HDX: variants seen among roughly 807,000 people sequenced by gnomAD.
The protein encoded by HDX is highly divergent homeobox, also known as chromosome X open reading frame 43.
Under a neutral mutation model 45.2 loss-of-function variants are expected in HDX, and 19 were observed. The observed-to-expected ratio is 0.42, with a 90% CI of 0.29 to 0.62. The LOEUF (loss-of-function observed/expected upper bound fraction) is 0.62, where lower values mean the gene tolerates loss of function less well. HDX is among the 20% of genes least tolerant of loss of function. The pLI is 0.20. For missense variants in HDX, 532 were observed against 493.9 expected, an observed-to-expected ratio of 1.08 and a Z score of -0.73; for synonymous variants, 188 against 172.8, an observed-to-expected ratio of 1.09 and a Z score of -0.69.
At chrX:84,453,878 A>G (rs1474948951) in intron 4 of HDX, among the ~76,000 whole-genome samples, 1 of 111,897 alleles carries the variant, frequency 8.9e-6, no homozygotes, top group Non-Finnish European at 1.9e-5. Flanking sequence ...AACTTTGATA[A>G]CAGCTCAGCC....
chrX:84,489,022 GT>G (rs2091894110), intron 1 of HDX, among the ~76,000 whole-genome samples: 1 of 110,943 alleles, frequency 9.0e-6, no homozygotes, highest in African/African-American at 3.3e-5. Context: ...TCATTAGTTT[GT>G]TTTTTCTAAT....
chrX:84,401,471 G>C (rs773830725), intron 5 of HDX, among the ~76,000 whole-genome samples: 4 of 112,044 alleles, frequency 3.6e-5, no homozygotes, highest in Non-Finnish European at 5.6e-5. Context: ...CAGCATCACT[G>C]ATCATTAGAG....
At chrX:84,351,075 G>A (rs1217765335) in intron 6 of HDX, among the ~76,000 whole-genome samples, 4 of 109,446 alleles carry the variant, frequency 3.7e-5, no homozygotes, top group Non-Finnish European at 5.7e-5. Context: ...TCTTATGACA[G>A]TCACAAGAGG....
intron 4 of HDX, among the ~76,000 whole-genome samples, chrX:84,456,017 C>A (rs1376623508): frequency 9.0e-6 from 1 of 111,647 alleles, no homozygotes; most frequent in Non-Finnish European, 1.9e-5. Flanking sequence ...CTTTCCCAGA[C>A]AAACAAAAGC....
At chrX:84,416,913 G>A (rs1381153992) in intron 5 of HDX, among the ~76,000 whole-genome samples, 2 of 110,584 alleles carry the variant, frequency 1.8e-5, no homozygotes, top group African/African-American at 6.6e-5. Context: ...CCAGCACTTT[G>A]GGAGGCTGAG....
chrX:84,409,944 T>C (rs2038944972), intron 5 of HDX, among the ~76,000 whole-genome samples: 1 of 107,191 alleles, frequency 9.3e-6, no homozygotes, highest in Admixed American at 1.0e-4. Flanking sequence ...TCTCAGCTAC[T>C]CAGGAGGCTG....
intron 5 of HDX, among the ~76,000 whole-genome samples, chrX:84,365,393 A>G (rs1006398947): frequency 9.0e-6 from 1 of 111,487 alleles, no homozygotes; most frequent in Non-Finnish European, 1.9e-5. Context: ...ACAGTAGTGT[A>G]TTAGTCACAT....
chrX:84,332,616 G>A (rs892720087), intron 9 of HDX, among the ~76,000 whole-genome samples: 1 of 111,009 alleles, frequency 9.0e-6, no homozygotes, highest in South Asian at 3.8e-4. Flanking sequence ...TAGTCCTTTC[G>A]TCTGTAGTTT....
intron 4 of HDX, among the ~76,000 whole-genome samples, chrX:84,446,609 C>T (rs73508914): frequency 5.4e-5 from 6 of 110,504 alleles, no homozygotes; most frequent in African/African-American, 1.6e-4. Flanking sequence ...AAAAAAAAAA[C>T]CAGCAGAAAG....
intron 1 of HDX, among the ~76,000 whole-genome samples, chrX:84,490,420 C>A (rs892126744): frequency 9.0e-6 from 1 of 111,642 alleles, no homozygotes; most frequent in Non-Finnish European, 1.9e-5. Flanking sequence ...TATTGCTACA[C>A]ATTTTGCTTT....
chrX:84,480,781 T>G (rs193064345), intron 2 of HDX, among the ~76,000 whole-genome samples: 1 of 111,003 alleles, frequency 9.0e-6, no homozygotes, highest in African/African-American at 3.3e-5. Flanking sequence ...TGGTTAAGAA[T>G]TTTTTAGTCT....
intron 5 of HDX, among the ~76,000 whole-genome samples, chrX:84,407,389 C>T (rs2038854903): frequency 9.0e-6 from 1 of 111,283 alleles, no homozygotes; most frequent in African/African-American, 3.3e-5. Context: ...AGGACATTAT[C>T]TTGTTCTTTT....
intron 6 of HDX, among the ~76,000 whole-genome samples, chrX:84,347,236 T>A (rs1165464787): frequency 9.1e-6 from 1 of 110,452 alleles, no homozygotes; most frequent in Non-Finnish European, 1.9e-5. Flanking sequence ...AGAGACAGGA[T>A]CTCACTCTGT....
intron 5 of HDX, among the ~76,000 whole-genome samples, chrX:84,431,223 T>C (rs182622286): frequency 1.8e-5 from 2 of 110,912 alleles, no homozygotes; most frequent in Admixed American, 1.9e-4. Context: ...GGTGTATATG[T>C]ACCACATTTT....
At chrX:84,354,180 C>T (rs1302267074) in intron 6 of HDX, among the ~76,000 whole-genome samples, 1 of 111,316 alleles carries the variant, frequency 9.0e-6, no homozygotes, top group African/African-American at 3.3e-5. Flanking sequence ...ATAAATTTCC[C>T]ACCAGAATGG....
chrX:84,324,934 T>C (rs1270865750), intron 10 of HDX, among the ~76,000 whole-genome samples: 1 of 111,330 alleles, frequency 9.0e-6, no homozygotes, highest in African/African-American at 3.2e-5. Flanking sequence ...AAAATCTGCA[T>C]TTTAGGTTTC....
At chrX:84,333,553 C>T (rs901632271) in intron 9 of HDX, among the ~76,000 whole-genome samples, 1 of 110,997 alleles carries the variant, frequency 9.0e-6, no homozygotes, top group Admixed American at 9.6e-5. Flanking sequence ...CTCCACTCAG[C>T]AAACTCTTTG....
chrX:84,329,313 G>T (rs2036792397), intron 9 of HDX, among the ~76,000 whole-genome samples: 1 of 111,651 alleles, frequency 9.0e-6, no homozygotes, highest in African/African-American at 3.3e-5. Context: ...CATTCAGATG[G>T]TTGAGGGTCT....
chrX:84,354,021 T>C, intron 6 of HDX, among the ~76,000 whole-genome samples: 1 of 111,851 alleles, frequency 8.9e-6, no homozygotes, highest in East Asian at 2.8e-4. Context: ...TTTTTCACTG[T>C]TTCAGATTAG....
Sources: gnomAD v4.1 joint callset for allele counts (sites outside exome capture counted in the v4.1 genomes callset) on GRCh38, gnomAD v4.1.1 for gene constraint, MANE v1.5 for transcripts, NCBI Gene and HGNC (gene_info 2026-07-23, HGNC 2026-07-21) for gene names.